GDAP1: variants seen among roughly 807,000 people sequenced by gnomAD.
The protein encoded by GDAP1 is ganglioside-induced differentiation-associated protein 1.
Under a neutral mutation model 40.1 loss-of-function variants are expected in GDAP1, and 34 were observed. The ratio of observed to expected loss-of-function variants is 0.85; its 90% CI spans 0.64 to 1.13. GDAP1 has a LOEUF of 1.13. GDAP1 is among the 50% of genes most tolerant of loss of function. The probability of loss-of-function intolerance (pLI) is 0.00; values close to 1 mark genes in which losing one functional copy is unlikely to be tolerated. For synonymous variants in GDAP1, 170 were observed against 157.4 expected (o/e 1.08, Z -0.60); for missense variants, 374 against 433.7 (o/e 0.86, Z 1.22).
At chr8:74,398,898 C>A (rs1810261824) in intron 2 of GDAP1, among the ~76,000 whole-genome samples, 1 of 152,054 alleles carries the variant, frequency 6.6e-6, no homozygotes, top group Non-Finnish European at 1.5e-5. Context: ...AGGGATGAAG[C>A]CCACTTGATC....
chr8:74,409,060 C>T (rs1003615436), intron 2 of GDAP1, among the ~76,000 whole-genome samples: 4 of 149,802 alleles, frequency 2.7e-5, no homozygotes, highest in Non-Finnish European at 5.9e-5. Context: ...ATTTATGGCC[C>T]CCATTCTTCA....
chr8:74,469,826 T>C (rs991531004), intron 2 of GDAP1, among the ~76,000 whole-genome samples: 3 of 151,380 alleles, frequency 2.0e-5, no homozygotes, highest in Non-Finnish European at 4.4e-5. Context: ...AATACAAAAT[T>C]AGCTGGGCGT....
At chr8:74,381,924 T>C (rs1809959894) in intron 2 of GDAP1, among the ~76,000 whole-genome samples, 1 of 152,104 alleles carries the variant, frequency 6.6e-6, no homozygotes, top group Non-Finnish European at 1.5e-5. Flanking sequence ...AGTTGGCTTA[T>C]CTTTGGGAGG....
At chr8:74,379,300 A>G (rs1463359694) in intron 2 of GDAP1, among the ~76,000 whole-genome samples, 2 of 152,136 alleles carry the variant, frequency 1.3e-5, no homozygotes, top group African/African-American at 4.8e-5. Context: ...GTGTCCCGCA[A>G]CGCTGCAAAT....
chr8:74,439,917 CTA>C (rs1337374814), intron 2 of GDAP1, among the ~76,000 whole-genome samples: 4 of 151,850 alleles, frequency 2.6e-5, no homozygotes, highest in African/African-American at 7.3e-5. Context: ...GTAAGTGACA[CTA>C]TTTTTATATA....
At chr8:74,372,468 G>C (rs1809771399) in intron 2 of GDAP1, among the ~76,000 whole-genome samples, 1 of 152,288 alleles carries the variant, frequency 6.6e-6, no homozygotes, top group Non-Finnish European at 1.5e-5. Context: ...ATTCTAACTG[G>C]TGTGAGATGG....
chr8:74,457,616 A>C (rs1806351909), intron 2 of GDAP1, among the ~76,000 whole-genome samples: 1 of 152,148 alleles, frequency 6.6e-6, no homozygotes, highest in South Asian at 2.1e-4. Context: ...GATGTAAAGG[A>C]AGTAGTTATA....
intron 2 of GDAP1, among the ~76,000 whole-genome samples, chr8:74,372,182 G>C (rs1368753124): frequency 6.6e-6 from 1 of 152,118 alleles, no homozygotes; most frequent in Admixed American, 6.5e-5. Flanking sequence ...TGGACATTTG[G>C]GTTGGTTCCA....
chr8:74,399,935 T>A (rs1241417456), intron 2 of GDAP1, among the ~76,000 whole-genome samples: 1 of 144,156 alleles, frequency 6.9e-6, no homozygotes, highest in Non-Finnish European at 1.5e-5. Flanking sequence ...TAATTTCTGT[T>A]CTTTTACATT....
chr8:74,470,054 G>A (rs1437860529), intron 2 of GDAP1, among the ~76,000 whole-genome samples: 1 of 152,062 alleles, frequency 6.6e-6, no homozygotes, highest in Non-Finnish European at 1.5e-5. Flanking sequence ...TGGGAGTTGG[G>A]GGACTTAGCT....
chr8:74,453,434 A>G lies in GDAP1; in HGVS notation c.166-35244A>G, dbSNP rs1806306703. ...TGGAAGAGTCTGATGTATATTTGCT[A>G]TCATCTATCCACTCACTCATTCAAT... On this transcript the variant is annotated intron_variant, in intron 2 of 2. Transcript: ENST00000523640. Among the ~76,000 whole-genome samples, 2 of 84,270 alleles carry G rather than the reference A, an allele frequency of 2.4e-5. 1 individual carries two copies. Among genetic ancestry groups the G allele is most frequent in the African/African-American group, 1.0e-4 (2 of 19,434 alleles). 55.3% of individuals were successfully genotyped at this position (84,270 alleles called of 152,430 possible). A position where few individuals can be genotyped will look rare whatever the true frequency, so the allele number is the denominator to read the frequency against.
intron 2 of GDAP1, among the ~76,000 whole-genome samples, chr8:74,434,873 A>C (rs571441913): frequency 1.3e-5 from 2 of 152,378 alleles, no homozygotes; most frequent in South Asian, 4.1e-4. Context: ...GGGTTTAAAC[A>C]TAGATATTCC....
At position 74,366,476 on chromosome 8, in the gene GDAP1, A is replaced by G. The variant is rs1348031734; in HGVS notation, c.*2109A>G. On this transcript the variant is annotated 3_prime_UTR_variant, in exon 6 of 6. Coordinates refer to ENST00000220822, the MANE Select transcript of GDAP1 (RefSeq NM_018972.4). The stretch of plus-strand genomic sequence containing the variant: ...TTTCCAGTGCTTTGAAAGGGATTAC[A>G]GTATCACACAATGTCAAGCTAGAGT... The G allele has an allele frequency of 4.4e-6, 2 of 454,408 alleles. No individual in the cohort carries two copies. Among genetic ancestry groups the G allele is most frequent in the Non-Finnish European group, 8.8e-6 (2 of 226,766 alleles). The allele number at this position is 454,408 out of a possible 1,614,324, so 28.1% of individuals were successfully genotyped here.
intron 2 of GDAP1, among the ~76,000 whole-genome samples, chr8:74,456,764 G>A (rs146190939): frequency 1.1e-4 from 16 of 152,054 alleles, no homozygotes; most frequent in Admixed American, 4.6e-4. Flanking sequence ...TACTGAAATA[G>A]CAGTCTTTTT....
intron 2 of GDAP1, among the ~76,000 whole-genome samples, chr8:74,382,949 G>A (rs1476043991): frequency 6.6e-6 from 1 of 152,056 alleles, no homozygotes; most frequent in South Asian, 2.1e-4. Flanking sequence ...AGAATTCATG[G>A]CATTTGAATA....
intron 2 of GDAP1, among the ~76,000 whole-genome samples, chr8:74,385,183 T>C (rs1192437816): frequency 6.6e-6 from 1 of 152,064 alleles, no homozygotes; most frequent in Non-Finnish European, 1.5e-5. Flanking sequence ...GATCTTTTTA[T>C]TATTATTATT....
chr8:74,476,652 C>T (rs1336754048), intron 2 of GDAP1, among the ~76,000 whole-genome samples: 1 of 152,220 alleles, frequency 6.6e-6, no homozygotes, highest in African/African-American at 2.4e-5. Context: ...GAGAGGTCTA[C>T]TGTTAGCCTG....
At chr8:74,427,546 T>A (rs1243027878) in intron 2 of GDAP1, among the ~76,000 whole-genome samples, 1 of 152,178 alleles carries the variant, frequency 6.6e-6, no homozygotes, top group Non-Finnish European at 1.5e-5. Flanking sequence ...TCATTCCAGT[T>A]CTATCCTAAA....
At chr8:74,420,902 T>C (rs1235298807) in intron 2 of GDAP1, among the ~76,000 whole-genome samples, 1 of 152,096 alleles carries the variant, frequency 6.6e-6, no homozygotes, top group Non-Finnish European at 1.5e-5. Flanking sequence ...GGCCTGGTTA[T>C]TACTTGGATG....
Sources: gnomAD v4.1 joint callset for allele counts (sites outside exome capture counted in the v4.1 genomes callset) on GRCh38, gnomAD v4.1.1 for gene constraint, MANE v1.5 for transcripts, NCBI Gene and HGNC (gene_info 2026-07-23, HGNC 2026-07-21) for gene names.